WDFY3: variants seen among roughly 807,000 people sequenced by gnomAD.
WDFY3 encodes WD repeat and FYVE domain containing 3, also known as WD repeat and FYVE domain-containing protein 3.
In WDFY3, 66 loss-of-function variants were observed where a neutral mutation model predicts 409.6. That is an observed-to-expected ratio of 0.16 (90% CI 0.13 to 0.20). The LOEUF is 0.20. Among genes scored for constraint, WDFY3 ranks in the 10% least tolerant of loss-of-function variants. The pLI, the probability that WDFY3 is intolerant of heterozygous loss-of-function variation, is 1.00. For missense variants in WDFY3, 3,031 were observed against 4,298.1 expected (o/e 0.71, Z 8.24); for synonymous variants, 1,521 against 1,537.1 (o/e 0.99, Z 0.25).
chr4:84,925,987 G>T (rs1769929370), intron 2 of WDFY3, among the ~76,000 whole-genome samples: 1 of 151,258 alleles, frequency 6.6e-6, no homozygotes, highest in African/African-American at 2.4e-5. Flanking sequence ...AAAAGGTAAG[G>T]GAGAGACTAA....
At chr4:84,938,658 T>C (rs1579209762) in intron 1 of WDFY3, among the ~76,000 whole-genome samples, 2 of 152,190 alleles carry the variant, frequency 1.3e-5, no homozygotes, top group East Asian at 3.8e-4. Flanking sequence ...ATGTTTTCAA[T>C]ATTTTGTTTG....
At chr4:84,864,597 G>T (rs1047109691) in intron 3 of WDFY3, among the ~76,000 whole-genome samples, 4 of 151,830 alleles carry the variant, frequency 2.6e-5, no homozygotes, top group African/African-American at 9.7e-5. Flanking sequence ...TTATTTCTAC[G>T]AATTGCAGTC....
Position 84,677,407 on chromosome 4 carries a change from C to A in WDFY3, c.10260-11G>T. On this transcript the variant is annotated splice_polypyrimidine_tract_variant and intron_variant, in intron 66 of 67. Transcript: ENST00000295888. ...ATCCTACTGTGATCCCTGCAGGAGA[C>A]ACGACAGAGGAGGTCACTGCACGGA... The A allele has an allele frequency of 6.3e-7, 1 of 1,594,524 alleles. No individual in the cohort carries two copies. Among genetic ancestry groups the A allele is most frequent in the Non-Finnish European group, 8.5e-7 (1 of 1,169,658 alleles).
intron 3 of WDFY3, among the ~76,000 whole-genome samples, chr4:84,865,065 T>G (rs1038362081): frequency 7.2e-5 from 11 of 151,980 alleles, no homozygotes; most frequent in African/African-American, 2.7e-4. Context: ...ATTTTTGTAT[T>G]TTTTGTAGAG....
At chr4:84,810,418 T>C (rs1560819931) in intron 13 of WDFY3, 74 bp from the exon 14 acceptor site, 1 of 1,209,372 alleles carries the variant, frequency 8.3e-7, no homozygotes, top group East Asian at 2.6e-5. Context: ...TATGCATGTA[T>C]ATGGAGGTTG....
At chr4:84,769,016 T>C (rs1158987325) in intron 30 of WDFY3, among the ~76,000 whole-genome samples, 1 of 152,160 alleles carries the variant, frequency 6.6e-6, no homozygotes, top group Admixed American at 6.5e-5. Context: ...AAGACTTCAG[T>C]GGAAGAAGTA....
chr4:84,779,657 C>T (rs1332953395), intron 26 of WDFY3, among the ~76,000 whole-genome samples: 1 of 151,876 alleles, frequency 6.6e-6, no homozygotes, highest in East Asian at 1.9e-4. Context: ...GAGTAAGTAA[C>T]AGAGATAAAA....
At chr4:84,755,018 C>G (rs1741195641) in intron 34 of WDFY3, among the ~76,000 whole-genome samples, 1 of 152,102 alleles carries the variant, frequency 6.6e-6, no homozygotes, top group Non-Finnish European at 1.5e-5. Context: ...AGGCACATAA[C>G]TGAGGATAAT....
At chr4:84,928,569 A>G (rs566801299) in intron 2 of WDFY3, among the ~76,000 whole-genome samples, 188 of 152,296 alleles carry the variant, frequency 1.2e-3, no homozygotes, top group African/African-American at 4.3e-3. Context: ...ATGATATGGT[A>G]TATATGATTG....
Position 84,715,369 on chromosome 4 carries a change from T to C in WDFY3, c.7890A>G (p.Glu2630=). 1.2e-6 allele frequency: 2 copies of C among 1,601,162 alleles called. No individual in the cohort carries two copies. Among genetic ancestry groups the C allele is most frequent in the Non-Finnish European group, 1.7e-6 (2 of 1,168,860 alleles). ...AATTCCGTCCATCTCCAGAGAAAAC[T>C]TCCACAGCAATAGGCTGAAATGATC... ...RRYLLQPIAV[E]VFSGDGRNYL... The change falls in exon 50 of 68, where the codon GAA becomes GAG. Residue 2630 remains glutamate, a synonymous_variant. Transcript: ENST00000295888.
chr4:84,725,469 C>T (rs1481283390), intron 45 of WDFY3, among the ~76,000 whole-genome samples: 3 of 152,160 alleles, frequency 2.0e-5, no homozygotes, highest in Admixed American at 6.5e-5. Flanking sequence ...AATTGTTTTC[C>T]CCTTAAAATC....
At chr4:84,741,718 C>G (rs137865530) in intron 38 of WDFY3, 43 bp downstream of exon 38, 6 of 1,509,264 alleles carry the variant, frequency 4.0e-6, no homozygotes, top group Non-Finnish European at 5.4e-6. Context: ...ATAGGCAAAA[C>G]AGGAAAACAT....
At chr4:84,756,215 G>C (rs1353200365) in intron 33 of WDFY3, among the ~76,000 whole-genome samples, 1 of 152,030 alleles carries the variant, frequency 6.6e-6, no homozygotes, top group African/African-American at 2.4e-5. Context: ...TGAGAATCCT[G>C]TCATACCCAC....
intron 56 of WDFY3, among the ~76,000 whole-genome samples, chr4:84,700,839 A>T: frequency 6.6e-6 from 1 of 152,236 alleles, no homozygotes; most frequent in East Asian, 1.9e-4. Flanking sequence ...GTGGTGGCTC[A>T]CGCCTGTAAC....
intron 56 of WDFY3, among the ~76,000 whole-genome samples, chr4:84,698,454 G>C (rs1466090702): frequency 6.6e-6 from 1 of 151,414 alleles, no homozygotes; most frequent in African/African-American, 2.4e-5. Context: ...ATTTTATTTT[G>C]AAGGGACGAG....
intron 4 of WDFY3, among the ~76,000 whole-genome samples, chr4:84,859,609 CTT>C (rs1760277360): frequency 6.6e-6 from 1 of 152,166 alleles, no homozygotes; most frequent in African/African-American, 2.4e-5. Flanking sequence ...GAGTTTCACT[CTT>C]GTCGCCCAGG....
At chr4:84,768,218 G>GT (rs1369651480) in intron 30 of WDFY3, among the ~76,000 whole-genome samples, 2 of 152,252 alleles carry the variant, frequency 1.3e-5, no homozygotes, top group African/African-American at 4.8e-5. Flanking sequence ...AGAAGCTGCA[G>GT]TAAGTTATAC....
chr4:84,770,033 CT>C lies in WDFY3; in HGVS notation c.4849+2801del, dbSNP rs1365018352. Reference sequence around the variant, plus strand: ...AAAAACTTTTAAACTGAGTTATATACTTTTTTTTTTTTTGAGACGGAGTCTC... The same window carrying C: ...AAAAACTTTTAAACTGAGTTATATACTTTTTTTTTTTTGAGACGGAGTCTC... On this transcript the variant is annotated intron_variant, in intron 30 of 67. Coordinates refer to ENST00000295888, the MANE Select transcript of WDFY3 (RefSeq NM_014991.6). 6.7e-3 allele frequency among the ~76,000 whole-genome samples: 970 copies of C among 145,610 alleles called. 6 individuals carry two copies. The highest frequency in any genetic ancestry group is 0.019 in the African/African-American group (766 of 40,054).
chr4:84,966,544 C>T lies in WDFY3; in HGVS notation c.-561G>A, dbSNP rs1447886034. ...CCGCCGCCGCCTCAGCCTCGGCGCT[C>T]CTCGGGTTTCTTCTCTCCATCAAGG... On this transcript the variant is annotated 5_prime_UTR_variant, in exon 1 of 68. Transcript: ENST00000295888. Among the ~76,000 whole-genome samples, 1 of 152,058 alleles carries T rather than the reference C, an allele frequency of 6.6e-6. No homozygotes were observed. Among genetic ancestry groups the T allele is most frequent in the Non-Finnish European group, 1.5e-5 (1 of 68,008 alleles).
Sources: gnomAD v4.1 joint callset for allele counts (sites outside exome capture counted in the v4.1 genomes callset) on GRCh38, gnomAD v4.1.1 for gene constraint, MANE v1.5 for transcripts, NCBI Gene and HGNC (gene_info 2026-07-23, HGNC 2026-07-21) for gene names.